PKHD1L1: variants seen among roughly 807,000 people sequenced by gnomAD.
PKHD1L1 encodes PKHD1 like 1.
In PKHD1L1, 434 loss-of-function variants were observed where a neutral mutation model predicts 462.9. That is an observed-to-expected ratio of 0.94 (90% CI 0.87 to 1.02). The LOEUF (loss-of-function observed/expected upper bound fraction) is 1.02, where lower values mean the gene tolerates loss of function less well. PKHD1L1 is among the 50% of genes least tolerant of loss of function. The pLI, the probability that PKHD1L1 is intolerant of heterozygous loss-of-function variation, is 0.00. For synonymous variants in PKHD1L1, 1,781 were observed against 1,750.0 expected (o/e 1.02, Z -0.44); for missense variants, 5,202 against 5,096.1 (o/e 1.02, Z -0.63).
Position 109,466,789 on chromosome 8 carries a change from T to C in PKHD1L1, c.8605+20T>C. On this transcript the variant is annotated intron_variant, in intron 50 of 77. Transcript: ENST00000378402. ...CTTTTGGTAAGTGGAATATATTAGT[T>C]TAAACAACTAATTTAAATATATCTT... is the stretch of plus-strand genomic sequence containing the variant. 6.4e-7 allele frequency: 1 copy of C among 1,573,848 alleles called. No individual in the cohort carries two copies. The highest frequency in any genetic ancestry group is 8.6e-7 in the Non-Finnish European group (1 of 1,160,128).
At chr8:109,431,373 A>G (rs1050719338) in intron 27 of PKHD1L1, among the ~76,000 whole-genome samples, 1 of 152,174 alleles carries the variant, frequency 6.6e-6, no homozygotes, top group African/African-American at 2.4e-5. Flanking sequence ...ATTTACTTCC[A>G]ATCATTAATT....
chr8:109,478,891 A>G (rs1038587797), intron 53 of PKHD1L1, among the ~76,000 whole-genome samples: 1 of 152,134 alleles, frequency 6.6e-6, no homozygotes, highest in African/African-American at 2.4e-5. Context: ...TCAGCTAGCT[A>G]TGAATAATAC....
rs1821029382 is a variant in PKHD1L1 at position 109,531,038 on chromosome 8, T to C, written c.*948T>C. ...TAGCAATTCTTTACTCAGAAAATTC[T>C]AAAGGGAATACTTAATTTGACAGAA... On this transcript the variant is annotated 3_prime_UTR_variant, in exon 78 of 78. Coordinates refer to ENST00000378402, the MANE Select transcript of PKHD1L1 (RefSeq NM_177531.6). Among the ~76,000 whole-genome samples the C allele has an allele frequency of 6.6e-6, 1 of 152,196 alleles. No homozygotes were observed. The highest frequency in any genetic ancestry group is 1.5e-5 in the Non-Finnish European group (1 of 68,034).
chr8:109,458,527 T>A (rs1586558223), intron 46 of PKHD1L1, among the ~76,000 whole-genome samples: 1 of 152,146 alleles, frequency 6.6e-6, no homozygotes, highest in Non-Finnish European at 1.5e-5. Context: ...GACAGAAAGG[T>A]AGATATCTCA....
intron 68 of PKHD1L1, among the ~76,000 whole-genome samples, chr8:109,506,425 T>C (rs1360309117): frequency 6.6e-6 from 1 of 152,200 alleles, no homozygotes; most frequent in African/African-American, 2.4e-5. Context: ...GTGCGGTTCA[T>C]ATGCCAGAGG....
intron 74 of PKHD1L1, 55 bp from the exon 75 acceptor site, chr8:109,522,689 G>T: frequency 6.7e-7 from 1 of 1,490,674 alleles, no homozygotes; most frequent in Non-Finnish European, 9.0e-7. Flanking sequence ...AAATGAGTTT[G>T]CTGCTGAGTG....
rs1014369920 is a variant in PKHD1L1, at chr8:109,464,353, C to T, written c.7521C>T (p.Asn2507=). Residue 2507 remains asparagine (N), a synonymous_variant, in exon 49 of 78, where the codon AAC becomes AAT. Transcript: ENST00000378402. ...ATAACAGAGCTGTTACTATTCATAA[C>T]ACACACCATCTTCTGGTTGAGAGGA... is the stretch of plus-strand genomic sequence containing the variant. ...QAYNRAVTIH[N]THHLLVERNI... 4.3e-6 allele frequency: 7 copies of T among 1,613,298 alleles called. No homozygotes were observed. Among genetic ancestry groups the T allele is most frequent in the Non-Finnish European group, 5.9e-6 (7 of 1,179,556 alleles).
intron 32 of PKHD1L1, among the ~76,000 whole-genome samples, chr8:109,439,554 A>T (rs1412145561): frequency 6.6e-6 from 1 of 152,136 alleles, no homozygotes; most frequent in African/African-American, 2.4e-5. Flanking sequence ...GTAAGAGTCT[A>T]TAATAGAGAG....
chr8:109,497,533 C>T (rs1025430074), intron 65 of PKHD1L1, among the ~76,000 whole-genome samples: 9 of 150,570 alleles, frequency 6.0e-5, no homozygotes, highest in Non-Finnish European at 1.3e-4. Flanking sequence ...CCCGGGTTCA[C>T]ATCCTGCCTC....
chr8:109,486,932 A>G (rs1352432530), intron 59 of PKHD1L1, 111 bp downstream of exon 59: 7 of 1,138,352 alleles, frequency 6.1e-6, no homozygotes, highest in Non-Finnish European at 8.6e-6. Context: ...GTGGGAAAAT[A>G]AAGCATTAAA....
intron 22 of PKHD1L1, 137 bp downstream of exon 22, chr8:109,419,397 A>C (rs548456202): frequency 1.6e-6 from 1 of 627,766 alleles, no homozygotes; most frequent in African/African-American, 1.8e-5. Context: ...TCTGAATAAT[A>C]TTATGATTTT....
rs758692922 is a variant in PKHD1L1 at position 109,364,548 on chromosome 8, T to C, written c.75T>C (p.Asp25=). 11 of 1,579,424 alleles carry C rather than the reference T, an allele frequency of 7.0e-6. No homozygotes were observed. The highest frequency in any genetic ancestry group is 9.5e-6 in the Non-Finnish European group (11 of 1,155,388). The part of the protein sequence containing the change: ...LLLCAADPST[D]GSQIIPKVTE... ...CTACTGTATTTTAATATTTTTCAGA[T>C]GGCTCTCAAATAATCCCCAAAGTCA... The change falls in exon 2 of 78, where the codon GAT becomes GAC. Residue 25 remains aspartate (D), a splice_region_variant and synonymous_variant. Coordinates refer to ENST00000378402, the MANE Select transcript of PKHD1L1 (RefSeq NM_177531.6).
chr8:109,402,684 C>G (rs1394309093), intron 14 of PKHD1L1, among the ~76,000 whole-genome samples: 1 of 152,184 alleles, frequency 6.6e-6, no homozygotes, highest in East Asian at 1.9e-4. Context: ...AAGAAATAGA[C>G]TTCCCTTCTT....
At chr8:109,451,276 A>C (rs1182199024) in intron 41 of PKHD1L1, 127 bp downstream of exon 41, 2 of 1,016,788 alleles carry the variant, frequency 2.0e-6, no homozygotes, top group Non-Finnish European at 1.3e-6. Context: ...CTCGTAACTT[A>C]AGCTTAAGGC....
At chr8:109,523,421 C>A in intron 76 of PKHD1L1, 35 bp downstream of exon 76, 1 of 1,536,952 alleles carries the variant, frequency 6.5e-7, no homozygotes, top group Non-Finnish European at 8.9e-7. Context: ...ACATATATAG[C>A]CATAAATAGA....
intron 27 of PKHD1L1, among the ~76,000 whole-genome samples, chr8:109,431,731 A>C (rs1815113302): frequency 1.3e-5 from 2 of 152,222 alleles, no homozygotes; most frequent in African/African-American, 2.4e-5. Flanking sequence ...ATTGGTGGAC[A>C]TTTAGATTGT....
rs751192308 is a variant in PKHD1L1 at position 109,426,895 on chromosome 8, C to T, written c.2846-107C>T. The T allele has an allele frequency of 9.1e-5, 62 of 682,152 alleles. No homozygotes were observed. In the East Asian group the frequency reaches 1.4e-3, roughly 15 times the overall value. 42.3% of individuals were successfully genotyped at this position (682,152 alleles called of 1,614,324 possible). On this transcript the variant is annotated intron_variant, in intron 24 of 77. Transcript: ENST00000378402. ...CTCAAACGCCTGACCTCAGGTGACC[C>T]GCCCGCTTTGGCCTCCCAAAGTGCT...
chr8:109,493,879 C>T, intron 63 of PKHD1L1, 128 bp downstream of exon 63: 1 of 527,252 alleles, frequency 1.9e-6, no homozygotes. Flanking sequence ...AATAACTCAA[C>T]AAGATAAATT....
chr8:109,371,533 C>T (rs957383763), intron 2 of PKHD1L1, among the ~76,000 whole-genome samples: 1 of 149,792 alleles, frequency 6.7e-6, no homozygotes, highest in African/African-American at 2.5e-5. Context: ...TCAATTTTGG[C>T]TTTTGTTGCC....
Sources: allele counts gnomAD v4.1 joint callset (sites outside exome capture counted in the v4.1 genomes callset), GRCh38; gene constraint gnomAD v4.1.1; transcripts MANE v1.5; gene names NCBI Gene and HGNC (gene_info 2026-07-23, HGNC 2026-07-21).